Variants in ANXA4 observed in about 807,000 individuals in gnomAD.
ANXA4 encodes the protein annexin A4.
Under a neutral mutation model 49.8 loss-of-function variants are expected in ANXA4, and 39 were observed. That is an observed-to-expected ratio of 0.78 (90% confidence interval 0.61 to 1.02). The LOEUF is 1.02. Among genes scored for constraint, ANXA4 ranks in the 50% least tolerant of loss-of-function variants. The probability of loss-of-function intolerance (pLI) is 0.00; values close to 1 mark genes in which losing one functional copy is unlikely to be tolerated. For synonymous variants in ANXA4, 134 were observed against 152.5 expected (o/e 0.88, Z 0.89); for missense variants, 360 against 410.1 (o/e 0.88, Z 1.05).
intron 1 of ANXA4, among the ~76,000 whole-genome samples, chr2:69,751,937 G>A (rs1670860142): frequency 1.3e-5 from 2 of 152,176 alleles, no homozygotes; most frequent in African/African-American, 4.8e-5. Flanking sequence ...CTGACTCAGG[G>A]AGATAAGTAA....
chr2:69,692,817 T>C (rs1320604856), intron 2 of ANXA4, among the ~76,000 whole-genome samples: 1 of 152,262 alleles, frequency 6.6e-6, no homozygotes, highest in African/African-American at 2.4e-5. Flanking sequence ...TGGAGTATGC[T>C]TAATTTCCAT....
chr2:69,657,099 A>G (rs1259448994), intron 2 of ANXA4, among the ~76,000 whole-genome samples: 1 of 151,592 alleles, frequency 6.6e-6, no homozygotes, highest in Non-Finnish European at 1.5e-5. Flanking sequence ...GGTTCAAGCA[A>G]TTCTCCTGGC....
At chr2:69,814,787 T>G (rs1573311611) in intron 8 of ANXA4, 1 of 92,218 alleles carries the variant, frequency 1.1e-5, no homozygotes, top group Admixed American at 1.1e-4. Flanking sequence ...TGTGTGTGTG[T>G]GTGTGTGAGA....
chr2:69,788,006 G>A, intron 2 of ANXA4, 48 bp from the exon 3 acceptor site: 1 of 1,519,464 alleles, frequency 6.6e-7, no homozygotes, highest in Non-Finnish European at 9.1e-7. Context: ...ATGCCTCCGT[G>A]TTGGTGAGAG....
At chr2:69,719,756 T>G (rs1303646234) in intron 2 of ANXA4, among the ~76,000 whole-genome samples, 1 of 152,104 alleles carries the variant, frequency 6.6e-6, no homozygotes, top group South Asian at 2.1e-4. Flanking sequence ...ATTTTTTGAA[T>G]TATTAATTAT....
intron 6 of ANXA4, chr2:69,810,332 C>T: frequency 2.4e-6 from 1 of 409,060 alleles, no homozygotes. Flanking sequence ...GCACTCCAGA[C>T]TCCATCCAGC....
chr2:69,804,416 C>G (rs896704722), intron 3 of ANXA4, 117 bp from the exon 4 acceptor site: 90 of 863,178 alleles, frequency 1.0e-4, no homozygotes, highest in Non-Finnish European at 1.6e-4. Context: ...GAATAAGGGC[C>G]TCTTTTCTTA....
At chr2:69,723,767 C>A (rs1669883882) in intron 3 of ANXA4, among the ~76,000 whole-genome samples, 3 of 152,220 alleles carry the variant, frequency 2.0e-5, no homozygotes, top group Admixed American at 2.0e-4. Context: ...CCAGGCTGAT[C>A]TCAAACTCCT....
At chr2:69,789,421 G>A (rs866055857) in intron 3 of ANXA4, among the ~76,000 whole-genome samples, 4 of 152,126 alleles carry the variant, frequency 2.6e-5, no homozygotes, top group South Asian at 4.1e-4. Flanking sequence ...TGACAGCACC[G>A]ACATGCAATG....
intron 2 of ANXA4, among the ~76,000 whole-genome samples, chr2:69,719,694 C>T (rs1434764707): frequency 6.6e-6 from 1 of 152,158 alleles, no homozygotes; most frequent in East Asian, 1.9e-4. Context: ...CTGCCTCAGC[C>T]TCCCAAAGTG....
At chr2:69,649,984 G>A (rs547841523) in intron 1 of ANXA4, among the ~76,000 whole-genome samples, 2 of 135,832 alleles carry the variant, frequency 1.5e-5, no homozygotes, top group African/African-American at 2.8e-5. Flanking sequence ...CTTCCATGCC[G>A]GAGTGTAATG....
chr2:69,818,706 G>T lies in ANXA4; in HGVS notation c.724+12G>T. Reference sequence around the variant, plus strand: ...TCTGCTGGCTATAGGTAAGCTGGTAGGGGGAGTAGAGAAACAAATGTTTAT... The same window carrying T: ...TCTGCTGGCTATAGGTAAGCTGGTATGGGGAGTAGAGAAACAAATGTTTAT... On this transcript the variant is annotated intron_variant, in intron 10 of 12. Coordinates refer to ENST00000394295, the MANE Select transcript of ANXA4 (RefSeq NM_001153.5). The T allele has an allele frequency of 6.4e-7, 1 of 1,552,356 alleles. No homozygotes were observed. Among genetic ancestry groups the T allele is most frequent in the South Asian group, 1.1e-5 (1 of 87,324 alleles).
At chr2:69,793,574 C>T (rs1245069794) in intron 3 of ANXA4, among the ~76,000 whole-genome samples, 1 of 152,096 alleles carries the variant, frequency 6.6e-6, no homozygotes, top group Non-Finnish European at 1.5e-5. Context: ...TTGCATTTGC[C>T]AATGTCCCAA....
intron 1 of ANXA4, among the ~76,000 whole-genome samples, chr2:69,779,808 G>T (rs1391139833): frequency 1.3e-5 from 2 of 152,158 alleles, no homozygotes; most frequent in Non-Finnish European, 2.9e-5. Flanking sequence ...TCCCTGGAAT[G>T]AGCCCTCTGC....
intron 2 of ANXA4, among the ~76,000 whole-genome samples, chr2:69,684,691 A>AC (rs1470222427): frequency 1.3e-5 from 2 of 151,626 alleles, no homozygotes; most frequent in African/African-American, 4.8e-5. Context: ...GTCTCAAAAA[A>AC]AAAAAAAAAA....
At chr2:69,823,078 A>G (rs949558820) in intron 12 of ANXA4, among the ~76,000 whole-genome samples, 3 of 149,746 alleles carry the variant, frequency 2.0e-5, no homozygotes, top group African/African-American at 7.3e-5. Flanking sequence ...ATTATAGTAT[A>G]TAATTTATTA....
chr2:69,720,181 C>T (rs893288524), intron 2 of ANXA4, among the ~76,000 whole-genome samples: 1 of 152,152 alleles, frequency 6.6e-6, no homozygotes, highest in Non-Finnish European at 1.5e-5. Flanking sequence ...ACTTGGCCCT[C>T]GGAGGGCTGG....
At position 69,819,264 on chromosome 2, in the gene ANXA4, T is replaced by C. The variant is rs1425742304; in HGVS notation, c.725-16T>C. 2 of 1,578,838 alleles carry C rather than the reference T, an allele frequency of 1.3e-6. No homozygotes were observed. Among genetic ancestry groups the C allele is most frequent in the Non-Finnish European group, 1.7e-6 (2 of 1,159,502 alleles). ...ATCTGTAATCTTTTCATTTCTTCTTTTTTTTTCTTTGACAGTAAAGTGCAT... is the reference window on the plus strand; with the variant it reads ...ATCTGTAATCTTTTCATTTCTTCTTCTTTTTTCTTTGACAGTAAAGTGCAT... On this transcript the variant is annotated splice_polypyrimidine_tract_variant and intron_variant, in intron 10 of 12. Coordinates refer to ENST00000394295, the MANE Select transcript of ANXA4 (RefSeq NM_001153.5).
intron 2 of ANXA4, among the ~76,000 whole-genome samples, chr2:69,704,609 TAACCTAGGCTC>T (rs1008207667): frequency 1.4e-4 from 21 of 152,202 alleles, no homozygotes; most frequent in African/African-American, 4.8e-4. Flanking sequence ...TGCCGCGGGC[TAACCTAGGCTC>T]ATTCACAGAG....
Sources: allele counts gnomAD v4.1 joint callset (sites outside exome capture counted in the v4.1 genomes callset), GRCh38; gene constraint gnomAD v4.1.1; transcripts MANE v1.5; gene names NCBI Gene and HGNC (gene_info 2026-07-23, HGNC 2026-07-21).